SYN3: variants seen among roughly 807,000 people sequenced by gnomAD.
SYN3 encodes synapsin-3.
In SYN3, 35 loss-of-function variants were observed where a neutral mutation model predicts 65.8. That is an observed-to-expected ratio of 0.53 (90% CI 0.41 to 0.70). The LOEUF (loss-of-function observed/expected upper bound fraction) is 0.70. Ranked by LOEUF, SYN3 falls within the 30% of genes least tolerant of loss-of-function variation. The pLI is 0.00. For missense variants in SYN3, 680 were observed against 749.0 expected, an observed-to-expected ratio of 0.91 and a Z score of 1.08; for synonymous variants, 270 against 292.9, an observed-to-expected ratio of 0.92 and a Z score of 0.80.
chr22:32,834,240 C>T (rs1489138838), intron 6 of SYN3, among the ~76,000 whole-genome samples: 2 of 152,036 alleles, frequency 1.3e-5, no homozygotes, highest in East Asian at 3.9e-4. Context: ...GCAGCCTCCG[C>T]CTCCAAGGTT....
chr22:32,703,506 G>A (rs1396414763), intron 6 of SYN3, among the ~76,000 whole-genome samples: 3 of 151,990 alleles, frequency 2.0e-5, no homozygotes, highest in African/African-American at 7.2e-5. Context: ...GCGTGGTAGC[G>A]GATGCCTGTA....
At chr22:32,574,504 G>A (rs2058825020) in intron 7 of SYN3, among the ~76,000 whole-genome samples, 1 of 152,150 alleles carries the variant, frequency 6.6e-6, no homozygotes, top group Non-Finnish European at 1.5e-5. Context: ...CATCGTGTTC[G>A]ATGCCAACAG....
At chr22:32,709,419 C>T (rs2060925727) in intron 6 of SYN3, among the ~76,000 whole-genome samples, 1 of 152,140 alleles carries the variant, frequency 6.6e-6, no homozygotes, top group South Asian at 2.1e-4. Context: ...AAACCAAACC[C>T]AAGTGGATCA....
At position 32,835,592 on chromosome 22, in the gene SYN3, T is replaced by C. The variant is rs528213164; in HGVS notation, c.711+29323A>G. Reference sequence around the variant, plus strand: ...AGGGTCTCATGCAGATAGAATGGTATGTGCAAAGGCCCCAAGGCTTTGCAA... The same window carrying C: ...AGGGTCTCATGCAGATAGAATGGTACGTGCAAAGGCCCCAAGGCTTTGCAA... On this transcript the variant is annotated intron_variant, in intron 6 of 13. Transcript: ENST00000358763. 2.4e-4 allele frequency among the ~76,000 whole-genome samples: 36 copies of C among 152,282 alleles called. 1 individual carries two copies. In the South Asian group the frequency reaches 7.3e-3, roughly 31 times the overall value.
chr22:32,565,195 G>A (rs1287975445), intron 7 of SYN3, among the ~76,000 whole-genome samples: 3 of 152,032 alleles, frequency 2.0e-5, no homozygotes, highest in South Asian at 2.1e-4. Context: ...CAGTGCTCTC[G>A]GACTGCACCT....
At chr22:32,871,511 G>T (rs565259948) in intron 4 of SYN3, among the ~76,000 whole-genome samples, 1 of 152,244 alleles carries the variant, frequency 6.6e-6, no homozygotes, top group East Asian at 1.9e-4. Flanking sequence ...CCCTCAAAAG[G>T]CGTCTCTCTT....
chr22:32,674,582 A>T (rs2060415179), intron 6 of SYN3, among the ~76,000 whole-genome samples: 1 of 152,220 alleles, frequency 6.6e-6, no homozygotes, highest in Non-Finnish European at 1.5e-5. Context: ...TTACCATTCC[A>T]ATCAGTGAAA....
chr22:32,619,005 G>A (rs1449378704), intron 6 of SYN3, among the ~76,000 whole-genome samples: 2 of 152,210 alleles, frequency 1.3e-5, no homozygotes, highest in Non-Finnish European at 2.9e-5. Flanking sequence ...AAATGCAGGT[G>A]TTTCTACCTG....
intron 6 of SYN3, among the ~76,000 whole-genome samples, chr22:32,690,050 C>A (rs965137307): frequency 6.6e-6 from 1 of 152,166 alleles, no homozygotes; most frequent in Non-Finnish European, 1.5e-5. Flanking sequence ...GTGGTGGGTG[C>A]CTGTAATCCC....
chr22:32,797,119 G>T (rs1368843097), intron 6 of SYN3, among the ~76,000 whole-genome samples: 2 of 152,138 alleles, frequency 1.3e-5, no homozygotes, highest in African/African-American at 4.8e-5. Context: ...TGAGACGACC[G>T]ACCAGGACTG....
rs71184599 is a variant in SYN3, at chr22:32,602,978, CT to C, written c.712-6243del. 3.0e-3 allele frequency among the ~76,000 whole-genome samples: 431 copies of C among 143,112 alleles called. 1 individual carries two copies. The highest frequency in any genetic ancestry group is 0.013 in the South Asian group (60 of 4,476). 93.9% of individuals were successfully genotyped at this position (143,112 alleles called of 152,430 possible). On this transcript the variant is annotated intron_variant, in intron 6 of 13. Transcript: ENST00000358763. ...AGAACCAGCAGAATTTGGAGACATT[CT>C]TTTTTTTTTTTTTGAGATGGAGTCT...
intron 1 of SYN3, among the ~76,000 whole-genome samples, chr22:33,013,148 A>C (rs1369419466): frequency 6.6e-6 from 1 of 152,152 alleles, no homozygotes; most frequent in African/African-American, 2.4e-5. Flanking sequence ...CCTTCCATTG[A>C]TATGAATTCC....
intron 7 of SYN3, among the ~76,000 whole-genome samples, chr22:32,586,088 A>ATATGTACATG (rs1569065771): frequency 1.0e-5 from 1 of 97,320 alleles, no homozygotes; most frequent in African/African-American, 2.9e-5. Context: ...ATACATGTAT[A>ATATGTACATG]TATGTATATA....
At chr22:32,641,111 CAT>C (rs2146880967) in intron 6 of SYN3, among the ~76,000 whole-genome samples, 1 of 152,286 alleles carries the variant, frequency 6.6e-6, no homozygotes, top group South Asian at 2.1e-4. Flanking sequence ...ATGGCATCAT[CAT>C]ATATGAGAAA....
At chr22:32,933,960 T>C (rs932596389) in intron 3 of SYN3, among the ~76,000 whole-genome samples, 1 of 152,204 alleles carries the variant, frequency 6.6e-6, no homozygotes, top group Non-Finnish European at 1.5e-5. Context: ...CCAGATAGCA[T>C]TAGAGCAAAC....
chr22:32,637,039 G>C, intron 6 of SYN3, among the ~76,000 whole-genome samples: 1 of 152,188 alleles, frequency 6.6e-6, no homozygotes, highest in East Asian at 1.9e-4. Context: ...CACAGTCTGA[G>C]AACCACTGAA....
At chr22:32,778,785 C>T (rs186187717) in intron 6 of SYN3, among the ~76,000 whole-genome samples, 2 of 152,334 alleles carry the variant, frequency 1.3e-5, no homozygotes, top group East Asian at 3.9e-4. Flanking sequence ...CAACCTTCAA[C>T]ATACCTTAAT....
intron 6 of SYN3, among the ~76,000 whole-genome samples, chr22:32,842,000 C>A (rs1355047866): frequency 6.6e-6 from 1 of 152,106 alleles, no homozygotes; most frequent in East Asian, 1.9e-4. Context: ...GGACTGAGCA[C>A]CAAGAAGGTC....
chr22:32,804,004 G>A (rs1273001042), intron 6 of SYN3, among the ~76,000 whole-genome samples: 5 of 152,138 alleles, frequency 3.3e-5, no homozygotes, highest in Admixed American at 1.3e-4. Flanking sequence ...GGTTTCCTGC[G>A]GTGGGTCTGA....
Sources: gnomAD v4.1 joint callset for allele counts (sites outside exome capture counted in the v4.1 genomes callset) on GRCh38, gnomAD v4.1.1 for gene constraint, MANE v1.5 for transcripts, NCBI Gene and HGNC (gene_info 2026-07-23, HGNC 2026-07-21) for gene names.